Variants in DHCR24 observed in about 807,000 individuals in gnomAD.
The protein encoded by DHCR24 is delta(24)-sterol reductase.
A neutral mutation model predicts 61.2 loss-of-function variants in DHCR24; 28 were observed. That is an observed-to-expected ratio of 0.46 (90% CI 0.34 to 0.63). DHCR24 has a LOEUF of 0.63. Ranked by LOEUF, DHCR24 falls within the 20% of genes least tolerant of loss-of-function variation. DHCR24 has a pLI of 0.01. For synonymous variants in DHCR24, 261 were observed against 275.9 expected (o/e 0.95, Z 0.54); for missense variants, 538 against 679.1 (o/e 0.79, Z 2.31).
chr1:54,855,784 T>C (rs1646904439), intron 6 of DHCR24, among the ~76,000 whole-genome samples: 1 of 152,206 alleles, frequency 6.6e-6, no homozygotes, highest in Non-Finnish European at 1.5e-5. Context: ...TCTCAATAAA[T>C]AGCCTGGCTT....
At chr1:54,876,273 C>T (rs898957502) in intron 2 of DHCR24, among the ~76,000 whole-genome samples, 2 of 152,098 alleles carry the variant, frequency 1.3e-5, no homozygotes, top group African/African-American at 4.8e-5. Context: ...TATCTTTATA[C>T]TAAATATTTG....
intron 2 of DHCR24, among the ~76,000 whole-genome samples, chr1:54,878,223 A>C (rs573955022): frequency 5.1e-4 from 78 of 152,178 alleles, no homozygotes; most frequent in African/African-American, 1.5e-3. Context: ...AACAGGTAAT[A>C]GGCTAGGCAT....
rs753509393 is a variant in DHCR24, at chr1:54,854,017, C to G, written c.1218+20G>C. Reference sequence around the variant, plus strand: ...CAAGGGAATGCACCTGGTGCGCCCTCCCTGCCCTGCCCCACTCACGTGGAT... The same window carrying G: ...CAAGGGAATGCACCTGGTGCGCCCTGCCTGCCCTGCCCCACTCACGTGGAT... On this transcript the variant is annotated intron_variant, in intron 7 of 8. Coordinates refer to ENST00000371269, the MANE Select transcript of DHCR24 (RefSeq NM_014762.4). 1 of 1,606,036 alleles carries G rather than the reference C, an allele frequency of 6.2e-7. No homozygotes were observed. Among genetic ancestry groups the G allele is most frequent in the Non-Finnish European group, 8.5e-7 (1 of 1,177,084 alleles).
chr1:54,860,182 C>T (rs1646928377), intron 6 of DHCR24, among the ~76,000 whole-genome samples: 1 of 152,244 alleles, frequency 6.6e-6, no homozygotes, highest in South Asian at 2.1e-4. Flanking sequence ...ATAATTCCGT[C>T]ATGCCTTACA....
At position 54,850,236 on chromosome 1, in the gene DHCR24, T is replaced by C. The variant is rs1646867453; in HGVS notation, c.*1997A>G. 1 of 152,208 alleles carries C rather than the reference T, an allele frequency of 6.6e-6. No individual in the cohort carries two copies. The highest frequency in any genetic ancestry group is 2.4e-5 in the African/African-American group (1 of 41,454). The allele number at this position is 152,208 out of a possible 1,614,324, so 9.4% of individuals were successfully genotyped here. A position where few individuals can be genotyped will look rare whatever the true frequency, so the allele number is the denominator to read the frequency against. Reference sequence around the variant, plus strand: ...CATCTCTGGCCACCGTCCCAGTGGCTTAGGGTTGGAGGCTTCACTGGCAAA... The same window carrying C: ...CATCTCTGGCCACCGTCCCAGTGGCCTAGGGTTGGAGGCTTCACTGGCAAA... On this transcript the variant is annotated 3_prime_UTR_variant, in exon 9 of 9. Transcript: ENST00000371269.
intron 6 of DHCR24, among the ~76,000 whole-genome samples, chr1:54,859,727 G>A (rs1273134812): frequency 6.6e-6 from 1 of 152,152 alleles, no homozygotes; most frequent in Non-Finnish European, 1.5e-5. Context: ...TCTATGGAAT[G>A]GAAATAACAC....
At chr1:54,872,865 C>G (rs909133130) in intron 4 of DHCR24, among the ~76,000 whole-genome samples, 3 of 152,112 alleles carry the variant, frequency 2.0e-5, no homozygotes, top group African/African-American at 7.2e-5. Flanking sequence ...CATCCAAGAC[C>G]AGTGCTGCCA....
chr1:54,878,849 T>C (rs1024936074), intron 2 of DHCR24, among the ~76,000 whole-genome samples: 2 of 152,108 alleles, frequency 1.3e-5, no homozygotes, highest in Non-Finnish European at 2.9e-5. Context: ...CAGAATCCAA[T>C]AGAATTTTAC....
At chr1:54,861,127 C>T (rs1271094211) in intron 6 of DHCR24, among the ~76,000 whole-genome samples, 2 of 152,150 alleles carry the variant, frequency 1.3e-5, no homozygotes, top group Non-Finnish European at 2.9e-5. Context: ...TGGCCACTGG[C>T]TCTCACAACA....
In DHCR24 at chr1:54,854,249, T is replaced by C. The variant is rs769563231; in HGVS notation, c.1021-15A>G. On this transcript the variant is annotated splice_polypyrimidine_tract_variant and intron_variant, in intron 6 of 8. Coordinates refer to ENST00000371269, the MANE Select transcript of DHCR24 (RefSeq NM_014762.4). ...GGGATAATGTCCTGGAAAACAAAGA[T>C]TAGGGTTGGAGAGAAAAAAACCAAC... The C allele has an allele frequency of 1.2e-6, 2 of 1,608,208 alleles. No homozygotes were observed. Among genetic ancestry groups the C allele is most frequent in the South Asian group, 2.2e-5 (2 of 90,538 alleles).
At position 54,881,540 on chromosome 1, in the gene DHCR24, G is replaced by A. The variant is rs146073469; in HGVS notation, c.387+2078C>T. 1.8e-4 allele frequency among the ~76,000 whole-genome samples: 28 copies of A among 152,286 alleles called. 1 individual carries two copies. The East Asian group carries it at 5.2e-3, about 28-fold the overall frequency. On this transcript the variant is annotated intron_variant, in intron 2 of 8. Coordinates refer to ENST00000371269, the MANE Select transcript of DHCR24 (RefSeq NM_014762.4). ...AAAGGAACATTTATACACTGTTGGT[G>A]GGAGTGTAAATTAGTTCAACCATGT... is the stretch of plus-strand genomic sequence containing the variant.
intron 4 of DHCR24, among the ~76,000 whole-genome samples, chr1:54,873,879 A>T (rs1647012771): frequency 6.6e-6 from 1 of 152,200 alleles, no homozygotes; most frequent in African/African-American, 2.4e-5. Flanking sequence ...CAAACTGCTA[A>T]GCTCAAGCAG....
chr1:54,860,902 G>C (rs1386190184), intron 6 of DHCR24, among the ~76,000 whole-genome samples: 1 of 151,594 alleles, frequency 6.6e-6, no homozygotes, highest in East Asian at 1.9e-4. Flanking sequence ...GCAGGAGAAT[G>C]GCATGAACCC....
At position 54,883,559 on chromosome 1, in the gene DHCR24, A is replaced by C; in HGVS notation, c.387+59T>G. On this transcript the variant is annotated intron_variant, in intron 2 of 8. Transcript: ENST00000371269. This position sits in a 1 kb window ranked among gnomAD's most constrained non-coding sequence, Gnocchi z 4.3. ...GGCTAAAATCATCTCCCTATGAGTC[A>C]CTTGCACCAGGGGCAGTGCCCCACC... 1 of 1,606,394 alleles carries C rather than the reference A, an allele frequency of 6.2e-7. No individual in the cohort carries two copies. The highest frequency in any genetic ancestry group is 8.5e-7 in the Non-Finnish European group (1 of 1,173,468).
intron 6 of DHCR24, among the ~76,000 whole-genome samples, chr1:54,858,717 A>G (rs1185589163): frequency 1.3e-5 from 2 of 152,192 alleles, no homozygotes; most frequent in East Asian, 3.9e-4. Context: ...AGCTCACCAC[A>G]ACCTCCGCTT....
intron 5 of DHCR24, among the ~76,000 whole-genome samples, chr1:54,867,181 C>A (rs139768001): frequency 6.6e-6 from 1 of 152,362 alleles, no homozygotes; most frequent in East Asian, 1.9e-4. Context: ...CAAGCCACTT[C>A]CTATCTCTGG....
intron 1 of DHCR24, 96 bp downstream of exon 1, chr1:54,886,793 C>G: frequency 1.3e-6 from 2 of 1,533,218 alleles, no homozygotes; most frequent in Non-Finnish European, 1.8e-6. Context: ...GTCCTGGCCG[C>G]CCCCGCACCG....
chr1:54,866,202 G>A (rs1458996690), intron 5 of DHCR24, among the ~76,000 whole-genome samples: 4 of 152,154 alleles, frequency 2.6e-5, no homozygotes, highest in African/African-American at 9.7e-5. Flanking sequence ...ACAAGCTTTA[G>A]GGTGGGCAGC....
chr1:54,865,501 G>C (rs1173178585), intron 5 of DHCR24, 55 bp from the exon 6 acceptor site: 1 of 1,610,258 alleles, frequency 6.2e-7, no homozygotes, highest in Non-Finnish European at 8.5e-7. Context: ...CAGCACCATC[G>C]GGGTGTAACA....
Sources: allele counts gnomAD v4.1 joint callset (sites outside exome capture counted in the v4.1 genomes callset), GRCh38; gene constraint gnomAD v4.1.1; non-coding constraint Gnocchi (gnomAD v3.1); transcripts MANE v1.5; gene names NCBI Gene and HGNC (gene_info 2026-07-23, HGNC 2026-07-21).